Variants in UGGT2 observed in about 807,000 individuals in gnomAD.
UGGT2 encodes the protein UDP-glucose:glycoprotein glucosyltransferase 2.
UGGT2 carries 180 observed loss-of-function variants against 192.1 expected under a neutral mutation model. The observed-to-expected ratio is 0.94, with a 90% confidence interval of 0.83 to 1.06. The LOEUF (loss-of-function observed/expected upper bound fraction) is 1.06, where lower values mean the gene tolerates loss of function less well. Among genes scored for constraint, UGGT2 ranks in the 50% least tolerant of loss-of-function variants. The probability of loss-of-function intolerance (pLI) is 0.00; values close to 1 mark genes in which losing one functional copy is unlikely to be tolerated. For missense variants in UGGT2, 1,849 were observed against 1,795.7 expected (o/e 1.03, Z -0.54); for synonymous variants, 580 against 591.0 (o/e 0.98, Z 0.27).
At chr13:95,852,182 C>T (rs563107173) in intron 36 of UGGT2, among the ~76,000 whole-genome samples, 1 of 152,298 alleles carries the variant, frequency 6.6e-6, no homozygotes, top group African/African-American at 2.4e-5. Flanking sequence ...AGGGACTAAG[C>T]TTTCTACATT....
intron 15 of UGGT2, 100 bp from the exon 16 acceptor site, chr13:95,940,191 A>T (rs1352779679): frequency 2.2e-6 from 2 of 898,378 alleles, no homozygotes; most frequent in Non-Finnish European, 3.2e-6. Context: ...GTAAGTTCAA[A>T]ATATACTAAC....
intron 4 of UGGT2, among the ~76,000 whole-genome samples, chr13:96,021,429 T>A (rs2052512547): frequency 6.6e-6 from 1 of 152,056 alleles, no homozygotes; most frequent in Non-Finnish European, 1.5e-5. Flanking sequence ...TTATAGTGAG[T>A]CTAATAATGC....
At chr13:95,967,480 T>G (rs1250513992) in intron 12 of UGGT2, among the ~76,000 whole-genome samples, 7 of 149,256 alleles carry the variant, frequency 4.7e-5, no homozygotes, top group South Asian at 2.1e-4. Context: ...TTTTTTGTTT[T>G]TTTTTTTTTT....
chr13:95,946,277 C>A (rs1010244542), intron 15 of UGGT2, among the ~76,000 whole-genome samples: 1 of 152,220 alleles, frequency 6.6e-6, no homozygotes, highest in Non-Finnish European at 1.5e-5. Context: ...ACCTCTTTCA[C>A]ACAGTTTGCT....
chr13:95,992,149 C>A (rs2051477538), intron 7 of UGGT2, among the ~76,000 whole-genome samples: 1 of 151,888 alleles, frequency 6.6e-6, no homozygotes, highest in Non-Finnish European at 1.5e-5. Flanking sequence ...GGTGACAGAG[C>A]TAGAGCTAGA....
chr13:95,867,869 T>A (rs1345648706), intron 29 of UGGT2, among the ~76,000 whole-genome samples: 1 of 152,182 alleles, frequency 6.6e-6, no homozygotes, highest in Non-Finnish European at 1.5e-5. Flanking sequence ...ATGCCAAAAT[T>A]TGAAGTACAT....
chr13:95,849,957 C>G (rs1594143159), intron 36 of UGGT2, among the ~76,000 whole-genome samples: 1 of 145,228 alleles, frequency 6.9e-6, no homozygotes, highest in Non-Finnish European at 1.5e-5. Flanking sequence ...TTTGGATTGT[C>G]TAAGTAGGCA....
At chr13:95,937,155 A>T (rs2049493925) in intron 16 of UGGT2, 67 bp from the exon 17 acceptor site, 1 of 1,493,148 alleles carries the variant, frequency 6.7e-7, no homozygotes, top group African/African-American at 1.4e-5. Context: ...ACATAAGAAA[A>T]TGGAACACCG....
intron 38 of UGGT2, chr13:95,809,650 TGCAGCCTTTCC>T (rs1884483946): frequency 4.9e-6 from 1 of 202,920 alleles, no homozygotes; most frequent in East Asian, 1.6e-4. Context: ...GCCTGCAGGC[TGCAGCCTTTCC>T]GCAGCCTCAG....
At chr13:95,997,293 G>T (rs1465524775) in intron 6 of UGGT2, among the ~76,000 whole-genome samples, 1 of 152,098 alleles carries the variant, frequency 6.6e-6, no homozygotes, top group African/African-American at 2.4e-5. Context: ...ATAGAAAAGA[G>T]AAGAGCATTC....
chr13:95,986,507 C>CTTGGCAAGAAGAA, intron 8 of UGGT2, 75 bp from the exon 9 acceptor site: 1 of 1,075,280 alleles, frequency 9.3e-7, no homozygotes, highest in Non-Finnish European at 1.3e-6. Flanking sequence ...AATTGAAATA[C>CTTGGCAAGAAGAA]TTGACTCAAT....
chr13:95,877,505 T>A, intron 28 of UGGT2, 141 bp from the exon 29 acceptor site: 1 of 971,546 alleles, frequency 1.0e-6, no homozygotes, highest in Middle Eastern at 3.4e-4. Context: ...AGTAAAGAGA[T>A]TTTACAATAA....
intron 29 of UGGT2, among the ~76,000 whole-genome samples, chr13:95,873,391 G>C (rs1215986122): frequency 1.3e-5 from 2 of 152,094 alleles, no homozygotes; most frequent in Non-Finnish European, 2.9e-5. Flanking sequence ...ATTTGTAATG[G>C]GAATGACACA....
At chr13:95,857,065 T>C (rs763211337) in intron 33 of UGGT2, among the ~76,000 whole-genome samples, 91 of 152,114 alleles carry the variant, frequency 6.0e-4, no homozygotes, top group Non-Finnish European at 1.2e-3. Flanking sequence ...CACTTGATTC[T>C]TACTTGAAAC....
At chr13:95,852,031 T>C (rs1889104128) in intron 36 of UGGT2, among the ~76,000 whole-genome samples, 1 of 152,160 alleles carries the variant, frequency 6.6e-6, no homozygotes, top group African/African-American at 2.4e-5. Context: ...AGAGACCCTA[T>C]TTAGTCTGTA....
chr13:95,803,299 T>C (rs1884152892), intron 38 of UGGT2, among the ~76,000 whole-genome samples: 1 of 151,736 alleles, frequency 6.6e-6, no homozygotes, highest in African/African-American at 2.4e-5. Flanking sequence ...TCACTCTTGT[T>C]GCCCAGATTG....
intron 34 of UGGT2, 104 bp downstream of exon 34, chr13:95,856,054 G>T: frequency 1.0e-6 from 1 of 961,932 alleles, no homozygotes; most frequent in Non-Finnish European, 1.5e-6. Context: ...CTTAAGCACC[G>T]TAATGAAGAT....
At chr13:95,978,157 T>G (rs2050999011) in intron 10 of UGGT2, among the ~76,000 whole-genome samples, 1 of 152,128 alleles carries the variant, frequency 6.6e-6, no homozygotes, top group African/African-American at 2.4e-5. Flanking sequence ...ACCCGCATGT[T>G]CTGCATATGT....
chr13:96,043,187 A>C (rs1414341637), intron 1 of UGGT2, among the ~76,000 whole-genome samples: 1 of 152,230 alleles, frequency 6.6e-6, no homozygotes. Flanking sequence ...AAACCCTACA[A>C]GCTAGAAGGG....
Sources: gnomAD v4.1 joint callset for allele counts (sites outside exome capture counted in the v4.1 genomes callset) on GRCh38, gnomAD v4.1.1 for gene constraint, MANE v1.5 for transcripts, NCBI Gene and HGNC (gene_info 2026-07-23, HGNC 2026-07-21) for gene names.